The following TBL1X variants were observed in gnomAD, a reference collection of about 807,000 sequenced individuals.
TBL1X encodes the protein transducin beta like 1 X-linked.
A neutral mutation model predicts 50.7 loss-of-function variants in TBL1X; 10 were observed. The ratio of observed to expected loss-of-function variants is 0.20; its 90% confidence interval spans 0.12 to 0.33. The LOEUF (loss-of-function observed/expected upper bound fraction) is 0.33. Ranked by LOEUF, TBL1X falls within the 10% of genes least tolerant of loss-of-function variation. TBL1X has a pLI of 1.00. For missense variants in TBL1X, 340 were observed against 504.4 expected (o/e 0.67, Z 3.12); for synonymous variants, 190 against 214.7 (o/e 0.88, Z 1.01).
intron 2 of TBL1X, among the ~76,000 whole-genome samples, chrX:9,607,845 A>T (rs1369542764): frequency 9.3e-6 from 1 of 107,961 alleles, no homozygotes. Flanking sequence ...TGAAGTCTTC[A>T]CTCTGTCACC....
At chrX:9,492,183 C>G (rs1410480936) in intron 1 of TBL1X, among the ~76,000 whole-genome samples, 1 of 111,745 alleles carries the variant, frequency 8.9e-6, no homozygotes, top group Non-Finnish European at 1.9e-5. Context: ...CTTCCTGGCT[C>G]CCCATGTGGG....
chrX:9,669,809 C>G (rs2082950311), intron 5 of TBL1X, among the ~76,000 whole-genome samples: 2 of 111,260 alleles, frequency 1.8e-5, no homozygotes, highest in South Asian at 7.6e-4. Flanking sequence ...CTTCATAGCC[C>G]ACACCTTAAG....
intron 2 of TBL1X, among the ~76,000 whole-genome samples, chrX:9,563,938 G>A (rs1175915156): frequency 1.8e-5 from 2 of 112,489 alleles, no homozygotes; most frequent in Admixed American, 1.9e-4. Flanking sequence ...TTAGCATAAA[G>A]GAAGTATCTA....
At chrX:9,547,019 C>T (rs2082247402) in intron 2 of TBL1X, among the ~76,000 whole-genome samples, 1 of 106,953 alleles carries the variant, frequency 9.3e-6, no homozygotes, top group Non-Finnish European at 1.9e-5. Flanking sequence ...GGGGTTTCAC[C>T]GTGTTAGCCA....
chrX:9,577,590 G>T (rs754006994), intron 2 of TBL1X, among the ~76,000 whole-genome samples: 72 of 112,258 alleles, frequency 6.4e-4, no homozygotes, highest in Non-Finnish European at 1.0e-3. Context: ...GTAGAGGCCA[G>T]GGACACTGCT....
At chrX:9,666,462 A>G (rs2082931588) in intron 5 of TBL1X, among the ~76,000 whole-genome samples, 1 of 112,016 alleles carries the variant, frequency 8.9e-6, no homozygotes, top group African/African-American at 3.3e-5. Context: ...AAATAGAAAC[A>G]TTAATGCATT....
chrX:9,649,767 G>A (rs770301044), intron 3 of TBL1X, among the ~76,000 whole-genome samples: 2 of 110,861 alleles, frequency 1.8e-5, no homozygotes, highest in Non-Finnish European at 3.8e-5. Context: ...TCATCTCCAC[G>A]AATCAGAGTA....
intron 3 of TBL1X, among the ~76,000 whole-genome samples, chrX:9,648,800 T>TG (rs765989284): frequency 1.8e-5 from 2 of 112,347 alleles, no homozygotes; most frequent in Non-Finnish European, 3.8e-5. Context: ...CATTTATTTG[T>TG]GGGAAATTAA....
At chrX:9,685,503 C>G (rs748764964) in intron 6 of TBL1X, among the ~76,000 whole-genome samples, 1 of 110,386 alleles carries the variant, frequency 9.1e-6, no homozygotes, top group African/African-American at 3.3e-5. Flanking sequence ...CCTACTCTGA[C>G]CCAGGCGCGT....
intron 2 of TBL1X, among the ~76,000 whole-genome samples, chrX:9,614,956 G>A (rs1275519367): frequency 4.5e-5 from 5 of 111,614 alleles, no homozygotes; most frequent in Non-Finnish European, 7.5e-5. Flanking sequence ...GATAATTCTC[G>A]TTGACCTGGG....
At position 9,608,700 on chromosome X, in the gene TBL1X, G is replaced by A. The variant is rs771287891; in HGVS notation, c.-130-31573G>A. ...TGGTTTTTGTCGAAAAAATAATTTG[G>A]GGGTACTCCTAGTTCACCATTTTAT... On this transcript the variant is annotated intron_variant, in intron 2 of 17. Coordinates refer to ENST00000645353, the MANE Select transcript of TBL1X (RefSeq NM_005647.4). 4.5e-4 allele frequency among the ~76,000 whole-genome samples: 51 copies of A among 112,219 alleles called. 8 individuals are homozygous for A. The highest frequency in any genetic ancestry group is 4.1e-3 in the Admixed American group (44 of 10,618).
intron 11 of TBL1X, among the ~76,000 whole-genome samples, chrX:9,696,579 C>G (rs942532760): frequency 8.9e-6 from 1 of 112,886 alleles, no homozygotes; most frequent in African/African-American, 3.2e-5. Flanking sequence ...TTTCTACTTA[C>G]TGTTAGACCA....
Position 9,512,514 on chromosome X carries a change from G to GTT in TBL1X, c.-131+10673_-131+10674dup, listed in dbSNP as rs35935620. 1.7e-4 allele frequency among the ~76,000 whole-genome samples: 18 copies of GTT among 105,061 alleles called. No homozygotes were observed. In the East Asian group the frequency reaches 2.1e-3, roughly 13 times the overall value. The allele number at this position is 105,061 out of a possible 115,157, so 91.2% of individuals were successfully genotyped here. On this transcript the variant is annotated intron_variant, in intron 2 of 17. Transcript: ENST00000645353. ...TCTATGTACGTTTTTTTGTTTTTTG[G>GTT]TTTTTTTTTGGGAGATGGAGTCTCT...
intron 5 of TBL1X, among the ~76,000 whole-genome samples, chrX:9,654,631 A>G (rs182467407): frequency 1.8e-5 from 2 of 111,638 alleles, no homozygotes; most frequent in South Asian, 3.8e-4. Context: ...GAGGGCATGC[A>G]TGAGCTGGTG....
intron 2 of TBL1X, among the ~76,000 whole-genome samples, chrX:9,512,497 C>T (rs1383652647): frequency 2.1e-4 from 19 of 92,287 alleles, no homozygotes; most frequent in African/African-American, 6.6e-4. Flanking sequence ...TCTCTATGTA[C>T]GTTTTTTTGT....
chrX:9,613,969 G>A (rs1343439774), intron 2 of TBL1X, among the ~76,000 whole-genome samples: 1 of 83,373 alleles, frequency 1.2e-5, no homozygotes, highest in Non-Finnish European at 2.2e-5. Context: ...CTGGGCGACA[G>A]AGTGAGACTC....
intron 2 of TBL1X, among the ~76,000 whole-genome samples, chrX:9,607,931 A>G (rs1348900851): frequency 1.9e-5 from 2 of 106,197 alleles, no homozygotes; most frequent in Non-Finnish European, 3.9e-5. Context: ...CTCCCACCTC[A>G]GCCTCCCACA....
intron 2 of TBL1X, among the ~76,000 whole-genome samples, chrX:9,582,729 T>C (rs1440291303): frequency 8.9e-6 from 1 of 112,572 alleles, no homozygotes; most frequent in Non-Finnish European, 1.9e-5. Flanking sequence ...TGTGTGAAGA[T>C]TGGGACAGAT....
chrX:9,509,079 T>C (rs1232585973), intron 2 of TBL1X, among the ~76,000 whole-genome samples: 1 of 56,802 alleles, frequency 1.8e-5, no homozygotes, highest in Non-Finnish European at 3.5e-5. Context: ...CCTGTTTTTT[T>C]TGTTTTTTTT....
Sources: gnomAD v4.1 joint callset for allele counts (sites outside exome capture counted in the v4.1 genomes callset) on GRCh38, gnomAD v4.1.1 for gene constraint, MANE v1.5 for transcripts, NCBI Gene and HGNC (gene_info 2026-07-23, HGNC 2026-07-21) for gene names.